Variants in PTPRD observed in about 807,000 individuals in gnomAD.
PTPRD encodes protein tyrosine phosphatase receptor type D, also known as receptor-type tyrosine-protein phosphatase delta.
Under a neutral mutation model 214.5 loss-of-function variants are expected in PTPRD, and 34 were observed. That is an observed-to-expected ratio of 0.16 (90% CI 0.12 to 0.21). PTPRD has a LOEUF of 0.21. Ranked by LOEUF, PTPRD falls within the 10% of genes least tolerant of loss-of-function variation. The pLI, the probability that PTPRD is intolerant of heterozygous loss-of-function variation, is 1.00. For synonymous variants in PTPRD, 1,128 were observed against 845.7 expected, an observed-to-expected ratio of 1.33 and a Z score of -5.79; for missense variants, 2,545 against 2,398.7, an observed-to-expected ratio of 1.06 and a Z score of -1.27.
intron 35 of PTPRD, among the ~76,000 whole-genome samples, chr9:8,424,888 C>G (rs1441234583): frequency 6.6e-6 from 1 of 152,106 alleles, no homozygotes; most frequent in Admixed American, 6.6e-5. Context: ...CATGCATGAA[C>G]TTTTAAGCTA....
chr9:8,631,094 C>T (rs1454067697), intron 14 of PTPRD, among the ~76,000 whole-genome samples: 3 of 151,762 alleles, frequency 2.0e-5, no homozygotes, highest in Admixed American at 2.0e-4. Flanking sequence ...CAAATATGAA[C>T]ACCTGAAAAA....
At chr9:10,551,944 T>A (rs1012006770) in intron 2 of PTPRD, among the ~76,000 whole-genome samples, 2 of 152,340 alleles carry the variant, frequency 1.3e-5, no homozygotes, top group African/African-American at 4.8e-5. Flanking sequence ...TGCACATTCA[T>A]CCACTCAGTC....
intron 11 of PTPRD, among the ~76,000 whole-genome samples, chr9:8,748,933 T>C (rs2093209867): frequency 6.6e-6 from 1 of 152,120 alleles, no homozygotes. Context: ...TTCATCATTT[T>C]CTAACTTGCA....
intron 5 of PTPRD, among the ~76,000 whole-genome samples, chr9:9,867,051 C>T (rs959268919): frequency 6.6e-6 from 1 of 152,028 alleles, no homozygotes; most frequent in Admixed American, 6.6e-5. Context: ...TCTATATAGA[C>T]TCAAAGTTTA....
At chr9:10,317,590 C>A (rs1386736448) in intron 3 of PTPRD, among the ~76,000 whole-genome samples, 1 of 151,864 alleles carries the variant, frequency 6.6e-6, no homozygotes, top group Non-Finnish European at 1.5e-5. Context: ...GGAAGGTGGA[C>A]CCCATGTTGC....
intron 2 of PTPRD, among the ~76,000 whole-genome samples, chr9:10,515,838 C>T (rs1160755090): frequency 1.3e-5 from 2 of 151,880 alleles, no homozygotes; most frequent in Non-Finnish European, 2.9e-5. Flanking sequence ...CAGTATTTGT[C>T]CTTCGTTGAC....
At chr9:10,405,335 C>T (rs2098335991) in intron 2 of PTPRD, among the ~76,000 whole-genome samples, 2 of 151,586 alleles carry the variant, frequency 1.3e-5, no homozygotes, top group African/African-American at 4.8e-5. Context: ...TCTTGTTTAA[C>T]AGACAGTGAC....
chr9:8,838,090 A>C (rs529677839), intron 11 of PTPRD, among the ~76,000 whole-genome samples: 1 of 152,280 alleles, frequency 6.6e-6, no homozygotes, highest in African/African-American at 2.4e-5. Flanking sequence ...AGAAAATCTT[A>C]AGGGAGAGGG....
At chr9:8,335,344 A>AAATC (rs1845580376) in intron 43 of PTPRD, among the ~76,000 whole-genome samples, 1 of 152,102 alleles carries the variant, frequency 6.6e-6, no homozygotes, top group Non-Finnish European at 1.5e-5. Flanking sequence ...CAACATACAC[A>AAATC]AATCAATAAA....
At chr9:9,210,109 C>A (rs2099947553) in intron 9 of PTPRD, among the ~76,000 whole-genome samples, 1 of 152,068 alleles carries the variant, frequency 6.6e-6, no homozygotes, top group South Asian at 2.1e-4. Context: ...AAATACTTGC[C>A]CTTTGCTCCA....
intron 2 of PTPRD, among the ~76,000 whole-genome samples, chr9:10,536,313 G>C (rs1011460975): frequency 6.6e-6 from 1 of 152,088 alleles, no homozygotes; most frequent in Non-Finnish European, 1.5e-5. Flanking sequence ...AAATTCTCTT[G>C]TAAGTCACAG....
chr9:8,869,980 C>A (rs79519390), intron 11 of PTPRD, among the ~76,000 whole-genome samples: 1 of 151,970 alleles, frequency 6.6e-6, no homozygotes, highest in Non-Finnish European at 1.5e-5. Context: ...AAATTTGTAC[C>A]GGACATTGTA....
intron 14 of PTPRD, among the ~76,000 whole-genome samples, chr9:8,591,415 G>A (rs2094098079): frequency 6.6e-6 from 1 of 152,170 alleles, no homozygotes; most frequent in Non-Finnish European, 1.5e-5. Flanking sequence ...CTTCTGTTGG[G>A]AGAGTTTATT....
intron 10 of PTPRD, among the ~76,000 whole-genome samples, chr9:9,080,577 T>G (rs2099757556): frequency 6.6e-6 from 1 of 152,048 alleles, no homozygotes; most frequent in Admixed American, 6.6e-5. Context: ...CTACAGGCAG[T>G]AGAGATAGCA....
chr9:10,384,815 T>A (rs2097886166), intron 2 of PTPRD, among the ~76,000 whole-genome samples: 1 of 151,636 alleles, frequency 6.6e-6, no homozygotes, highest in African/African-American at 2.4e-5. Context: ...ACATTTGAAT[T>A]AAAATATATT....
At chr9:9,964,261 C>T (rs749538498) in intron 4 of PTPRD, among the ~76,000 whole-genome samples, 14 of 152,050 alleles carry the variant, frequency 9.2e-5, no homozygotes, top group Non-Finnish European at 1.5e-4. Context: ...AATATTTAAC[C>T]GCTACTAGGA....
At chr9:9,643,305 T>C (rs1429184454) in intron 7 of PTPRD, among the ~76,000 whole-genome samples, 1 of 152,122 alleles carries the variant, frequency 6.6e-6, no homozygotes, top group Non-Finnish European at 1.5e-5. Context: ...AAGACAGACT[T>C]ATACTTAATC....
chr9:9,560,973 A>T (rs1220161753), intron 8 of PTPRD, among the ~76,000 whole-genome samples: 1 of 152,036 alleles, frequency 6.6e-6, no homozygotes, highest in African/African-American at 2.4e-5. Context: ...CAAGACAGGT[A>T]GCCTTCACTC....
intron 11 of PTPRD, among the ~76,000 whole-genome samples, chr9:8,964,505 A>C (rs1000466695): frequency 6.6e-6 from 1 of 151,762 alleles, no homozygotes; most frequent in African/African-American, 2.4e-5. Flanking sequence ...TTAAAGAACC[A>C]ATTTTTGGTT....
Sources: gnomAD v4.1 joint callset for allele counts (sites outside exome capture counted in the v4.1 genomes callset) on GRCh38, gnomAD v4.1.1 for gene constraint, MANE v1.5 for transcripts, NCBI Gene and HGNC (gene_info 2026-07-23, HGNC 2026-07-21) for gene names.